CATSPERE: variants seen among roughly 807,000 people sequenced by gnomAD.
CATSPERE encodes cation channel sperm-associated auxiliary subunit epsilon.
In CATSPERE, 93 loss-of-function variants were observed where a neutral mutation model predicts 114.1. The observed-to-expected ratio is 0.81, with a 90% CI of 0.69 to 0.97. CATSPERE has a LOEUF of 0.97. Ranked by LOEUF, CATSPERE falls within the 50% of genes least tolerant of loss-of-function variation. CATSPERE has a pLI of 0.00. For missense variants in CATSPERE, 1,058 were observed against 1,131.6 expected, an observed-to-expected ratio of 0.93 and a Z score of 0.93; for synonymous variants, 341 against 384.1, an observed-to-expected ratio of 0.89 and a Z score of 1.31.
intron 8 of CATSPERE, among the ~76,000 whole-genome samples, chr1:244,547,070 T>C (rs1486746236): frequency 6.6e-6 from 1 of 152,160 alleles, no homozygotes; most frequent in Non-Finnish European, 1.5e-5. Flanking sequence ...GAGAGGATCC[T>C]GAAAGCAACA....
chr1:244,580,756 T>A (rs1666041375), intron 11 of CATSPERE, among the ~76,000 whole-genome samples: 1 of 152,066 alleles, frequency 6.6e-6, no homozygotes, highest in African/African-American at 2.4e-5. Context: ...ATCCCAGCAC[T>A]CTGGGAGGCC....
intron 20 of CATSPERE, among the ~76,000 whole-genome samples, chr1:244,621,003 A>AATATATATATATAAAATATAT (rs1672021522): frequency 9.5e-6 from 1 of 105,412 alleles, no homozygotes; most frequent in African/African-American, 3.5e-5. Context: ...TCCAGATTAA[A>AATATATATATATAAAATATAT]ATATATATAT....
chr1:244,489,201 C>G (rs1049270362), intron 5 of CATSPERE, among the ~76,000 whole-genome samples: 11 of 152,072 alleles, frequency 7.2e-5, no homozygotes, highest in African/African-American at 2.7e-4. Flanking sequence ...TGGGCTCAAG[C>G]AGTCCTCCTG....
At chr1:244,571,586 T>A (rs1558517160) in intron 10 of CATSPERE, among the ~76,000 whole-genome samples, 5 of 152,172 alleles carry the variant, frequency 3.3e-5, no homozygotes, top group Admixed American at 1.3e-4. Flanking sequence ...TTTATACCAC[T>A]CTCACCCCCA....
chr1:244,544,064 A>G (rs1659326133), intron 8 of CATSPERE, among the ~76,000 whole-genome samples: 1 of 18,832 alleles, frequency 5.3e-5, no homozygotes, highest in South Asian at 3.7e-3. Flanking sequence ...AACTTCACAC[A>G]AAATATACAA....
At chr1:244,455,075 G>C (rs1666004430) in intron 1 of CATSPERE, among the ~76,000 whole-genome samples, 1 of 152,152 alleles carries the variant, frequency 6.6e-6, no homozygotes, top group Non-Finnish European at 1.5e-5. Context: ...TTGCAAGCTT[G>C]AAACTGGCTT....
chr1:244,627,352 C>A (rs1168325436), intron 20 of CATSPERE, among the ~76,000 whole-genome samples: 1 of 152,130 alleles, frequency 6.6e-6, no homozygotes, highest in Non-Finnish European at 1.5e-5. Flanking sequence ...GAGAGGACAG[C>A]TTGAGGCCAG....
chr1:244,593,462 A>C, intron 16 of CATSPERE, 34 bp downstream of exon 16: 1 of 1,613,566 alleles, frequency 6.2e-7, no homozygotes, highest in South Asian at 1.1e-5. Flanking sequence ...CAATGGACCA[A>C]ATATATAAAA....
chr1:244,487,074 A>G (rs1305789312), intron 5 of CATSPERE, among the ~76,000 whole-genome samples: 6 of 150,290 alleles, frequency 4.0e-5, no homozygotes, highest in Admixed American at 3.3e-4. Flanking sequence ...GTGGTTCAGC[A>G]TATGGAATAC....
At chr1:244,582,176 A>G (rs1451560309) in intron 12 of CATSPERE, among the ~76,000 whole-genome samples, 1 of 152,148 alleles carries the variant, frequency 6.6e-6, no homozygotes, top group Non-Finnish European at 1.5e-5. Context: ...ACATACCATC[A>G]CTAGCATAAA....
chr1:244,466,794 A>G (rs1028653831), intron 2 of CATSPERE, among the ~76,000 whole-genome samples: 1 of 152,194 alleles, frequency 6.6e-6, no homozygotes, highest in Admixed American at 6.5e-5. Context: ...ATAGGTGCCC[A>G]TGTCACAAGT....
chr1:244,580,211 A>ATTTTTTTTTTT (rs747379847), intron 11 of CATSPERE, among the ~76,000 whole-genome samples: 2 of 110,844 alleles, frequency 1.8e-5, no homozygotes, highest in African/African-American at 3.2e-5. Context: ...TAATTTTTGT[A>ATTTTTTTTTTT]TTTTTTTTTT....
intron 4 of CATSPERE, among the ~76,000 whole-genome samples, chr1:244,479,028 CA>C (rs1161485991): frequency 0.31 from 14,645 of 47,552 alleles, 237 homozygotes; most frequent in Middle Eastern, 0.4. Context: ...AACTTCGTCT[CA>C]AAAAAAAAAA....
At chr1:244,574,982 C>T (rs1665017760) in intron 11 of CATSPERE, among the ~76,000 whole-genome samples, 1 of 152,102 alleles carries the variant, frequency 6.6e-6, no homozygotes, top group Non-Finnish European at 1.5e-5. Context: ...GTGTCTTTCT[C>T]TGATCTCTGT....
intron 6 of CATSPERE, among the ~76,000 whole-genome samples, chr1:244,494,353 C>A (rs1380328757): frequency 6.7e-6 from 1 of 148,224 alleles, no homozygotes; most frequent in African/African-American, 2.5e-5. Flanking sequence ...ATCACAAGGA[C>A]AAGAAACCAA....
intron 8 of CATSPERE, among the ~76,000 whole-genome samples, chr1:244,529,387 A>G (rs1679239098): frequency 6.6e-6 from 1 of 152,130 alleles, no homozygotes; most frequent in African/African-American, 2.4e-5. Flanking sequence ...ATTTCATTCT[A>G]GTTTTGATTT....
intron 20 of CATSPERE, among the ~76,000 whole-genome samples, chr1:244,619,857 A>G (rs969102371): frequency 6.6e-6 from 1 of 152,240 alleles, no homozygotes; most frequent in African/African-American, 2.4e-5. Context: ...TTATGCACCC[A>G]ACAAAAAGCC....
intron 8 of CATSPERE, among the ~76,000 whole-genome samples, chr1:244,536,946 T>C (rs1010362261): frequency 7.5e-6 from 1 of 134,184 alleles, no homozygotes; most frequent in African/African-American, 2.7e-5. Context: ...TTTTTTTTTT[T>C]TCTGTTCTTT....
intron 2 of CATSPERE, among the ~76,000 whole-genome samples, chr1:244,472,472 T>G (rs532382673): frequency 6.6e-6 from 1 of 152,122 alleles, no homozygotes; most frequent in Non-Finnish European, 1.5e-5. Context: ...TTTTTAAGAG[T>G]TAACAGACTT....
Sources: gnomAD v4.1 joint callset for allele counts (sites outside exome capture counted in the v4.1 genomes callset) on GRCh38, gnomAD v4.1.1 for gene constraint, MANE v1.5 for transcripts, NCBI Gene and HGNC (gene_info 2026-07-23, HGNC 2026-07-21) for gene names.